Variants in TRAF6 observed in about 807,000 individuals in gnomAD.
TRAF6 encodes TNF receptor-associated factor 6.
Under a neutral mutation model 48.4 loss-of-function variants are expected in TRAF6, and 10 were observed. The observed-to-expected ratio is 0.21, with a 90% CI of 0.13 to 0.35. The LOEUF (loss-of-function observed/expected upper bound fraction) is 0.35. Among genes scored for constraint, TRAF6 ranks in the 10% least tolerant of loss-of-function variants. The pLI, the probability that TRAF6 is intolerant of heterozygous loss-of-function variation, is 1.00. For missense variants in TRAF6, 397 were observed against 661.0 expected (o/e 0.60, Z 4.38); for synonymous variants, 186 against 219.6 (o/e 0.85, Z 1.35).
chr11:36,499,419 A>T (rs1439170486), intron 2 of TRAF6, among the ~76,000 whole-genome samples: 1 of 152,126 alleles, frequency 6.6e-6, no homozygotes. Flanking sequence ...AGACAGAAAA[A>T]AAAAAGCCTC....
chr11:36,498,631 A>G lies in TRAF6; in HGVS notation c.306T>C (p.Gly102=), dbSNP rs1297712783. The change falls in exon 3 of 7, where the codon GGT becomes GGC. Residue 102 remains glycine (G), a synonymous_variant. Transcript: ENST00000526995. ...ACIIKSIRDA[G]HKCPVDNEIL... ...TTTCATTGTCAACTGGACATTTGTG[A>G]CCTGCATCCCTAACAGAAACAAAAT... is the stretch of plus-strand genomic sequence containing the variant. 3 of 1,609,590 alleles carry G rather than the reference A, an allele frequency of 1.9e-6. No homozygotes were observed. The highest frequency in any genetic ancestry group is 2.5e-6 in the Non-Finnish European group (3 of 1,178,774).
intron 6 of TRAF6, among the ~76,000 whole-genome samples, chr11:36,491,786 C>A (rs1273662247): frequency 6.6e-6 from 1 of 152,234 alleles, no homozygotes; most frequent in Non-Finnish European, 1.5e-5. Flanking sequence ...CCACAAATCA[C>A]TTTCCCAAAT....
At chr11:36,491,354 G>A (rs747489913) in intron 6 of TRAF6, among the ~76,000 whole-genome samples, 1 of 151,984 alleles carries the variant, frequency 6.6e-6, no homozygotes, top group Non-Finnish European at 1.5e-5. Context: ...AAATATAGAT[G>A]ACCAAAAAGG....
intron 1 of TRAF6, among the ~76,000 whole-genome samples, chr11:36,503,533 C>T (rs1032141327): frequency 6.6e-6 from 1 of 152,142 alleles, no homozygotes; most frequent in Non-Finnish European, 1.5e-5. Context: ...TCCACCTGCC[C>T]TGGCCTCCCA....
intron 1 of TRAF6, among the ~76,000 whole-genome samples, chr11:36,502,779 T>C (rs182051729): frequency 6.6e-6 from 1 of 152,338 alleles, no homozygotes; most frequent in Admixed American, 6.5e-5. Flanking sequence ...AACTCTTTTC[T>C]TCCATTTATG....
Position 36,490,574 on chromosome 11 carries a change from T to A in TRAF6, c.833A>T (p.His278Leu). ...AGAGTCGGGTATAACGCTCAAACTA[T>A]GAACAGCCTGGGCCAACATTCTCAT... ...SHMRMLAQAV[H>L]SLSVIPDSGY... The change falls in exon 7 of 7, where the codon CAT (histidine) becomes CTT (leucine). Residue 278 changes from histidine to leucine, a missense_variant. Physicochemically the swap from His to Leu is moderately conservative, Grantham distance 99. Coordinates refer to ENST00000526995, the MANE Select transcript of TRAF6 (RefSeq NM_004620.4). This position sits in a 1 kb window ranked among gnomAD's most constrained non-coding sequence, Gnocchi z 6.4. The A allele has an allele frequency of 6.2e-7, 1 of 1,614,200 alleles. No homozygotes were observed. The highest frequency in any genetic ancestry group is 1.1e-5 in the South Asian group (1 of 91,086).
At chr11:36,507,891 T>C (rs1269464641) in intron 1 of TRAF6, among the ~76,000 whole-genome samples, 3 of 148,806 alleles carry the variant, frequency 2.0e-5, no homozygotes, top group Non-Finnish European at 4.4e-5. Flanking sequence ...GGTCCTGCTC[T>C]ATTGCCCAGG....
At position 36,497,282 on chromosome 11, in the gene TRAF6, T is replaced by C. The variant is rs753603115; in HGVS notation, c.448-16A>G. Reference sequence around the variant, plus strand: ...CTTGATGATCCTATAATTAAAAAAATAATGGATTAGCATTAGCCAACTCTG... The same window carrying C: ...CTTGATGATCCTATAATTAAAAAAACAATGGATTAGCATTAGCCAACTCTG... On this transcript the variant is annotated splice_polypyrimidine_tract_variant and intron_variant, in intron 3 of 6. Coordinates refer to ENST00000526995, the MANE Select transcript of TRAF6 (RefSeq NM_004620.4). The C allele has an allele frequency of 2.3e-6, 3 of 1,299,940 alleles. No individual in the cohort carries two copies. In the African/African-American group the frequency reaches 4.3e-5, roughly 19 times the overall value. The allele number at this position is 1,299,940 out of a possible 1,614,324, so 80.5% of individuals were successfully genotyped here.
chr11:36,493,445 T>C (rs1590636188), intron 5 of TRAF6, among the ~76,000 whole-genome samples: 1 of 152,350 alleles, frequency 6.6e-6, no homozygotes, highest in East Asian at 1.9e-4. Context: ...CTGTACTGCC[T>C]CTGTCCTAAG....
intron 1 of TRAF6, among the ~76,000 whole-genome samples, chr11:36,504,233 T>A (rs1009305295): frequency 2.0e-5 from 3 of 152,236 alleles, no homozygotes; most frequent in African/African-American, 7.2e-5. Flanking sequence ...CTCTGTAGCA[T>A]GTGATGCTGT....
At position 36,492,533 on chromosome 11, in the gene TRAF6, A is replaced by G. The variant is rs1859577637; in HGVS notation, c.756+18T>C. ...TTTTTTACTTATATTCAAGAATTAAAAGAAAAAAAAACCTTACCTTTTCAT... is the reference window on the plus strand; with the variant it reads ...TTTTTTACTTATATTCAAGAATTAAGAGAAAAAAAAACCTTACCTTTTCAT... On this transcript the variant is annotated intron_variant, in intron 6 of 6. Coordinates refer to ENST00000526995, the MANE Select transcript of TRAF6 (RefSeq NM_004620.4). The G allele has an allele frequency of 1.9e-6, 3 of 1,581,588 alleles. No individual in the cohort carries two copies. Among genetic ancestry groups the G allele is most frequent in the Non-Finnish European group, 2.6e-6 (3 of 1,164,148 alleles).
rs749447895 is a variant in TRAF6 at position 36,488,632 on chromosome 11, T to C, written c.*1206A>G. On this transcript the variant is annotated 3_prime_UTR_variant, in exon 7 of 7. Coordinates refer to ENST00000526995, the MANE Select transcript of TRAF6 (RefSeq NM_004620.4). The stretch of plus-strand genomic sequence containing the variant: ...AAATACATGATGGCACACAAAAAAA[T>C]CATCTCCCTATTAGGAAAATCTGGT... 1 of 152,114 alleles carries C rather than the reference T, an allele frequency of 6.6e-6. No individual in the cohort carries two copies. The highest frequency in any genetic ancestry group is 1.5e-5 in the Non-Finnish European group (1 of 68,018). 9.4% of individuals were successfully genotyped at this position (152,114 alleles called of 1,614,324 possible).
rs1208724842 is a variant in TRAF6, at chr11:36,486,338, CTAATAG to C, written c.*3494_*3499del. 2.0e-5 allele frequency among the ~76,000 whole-genome samples: 3 copies of C among 152,000 alleles called. No individual in the cohort carries two copies. The highest frequency in any genetic ancestry group is 7.3e-5 in the African/African-American group (3 of 41,342). On this transcript the variant is annotated 3_prime_UTR_variant, in exon 7 of 7. Coordinates refer to ENST00000526995, the MANE Select transcript of TRAF6 (RefSeq NM_004620.4). ...ATAGGCGTGAGCCACCGTGCCCAGC[CTAATAG>C]TATTTTATATAAAATAATGAGTAGA... is the stretch of plus-strand genomic sequence containing the variant.
chr11:36,496,652 C>T (rs371256752), intron 4 of TRAF6: 20 of 163,734 alleles, frequency 1.2e-4, no homozygotes, highest in Admixed American at 6.5e-4. Flanking sequence ...ACATTATATA[C>T]GCTGCACGAT....
intron 5 of TRAF6, among the ~76,000 whole-genome samples, 160 bp downstream of exon 5, chr11:36,494,816 T>C (rs1158331621): frequency 1.3e-5 from 2 of 151,302 alleles, no homozygotes; most frequent in Admixed American, 6.6e-5. Context: ...CCTGAAAGTA[T>C]TTATTACTTA....
rs758777022 is a variant in TRAF6 at position 36,489,732 on chromosome 11, G to T, written c.*106C>A. On this transcript the variant is annotated 3_prime_UTR_variant, in exon 7 of 7. Transcript: ENST00000526995. ...ACCTCTCTAACAACACTCACTAGTA[G>T]ATATTACATATTTCCCGTGGCTTGT... is the stretch of plus-strand genomic sequence containing the variant. The T allele has an allele frequency of 3.4e-6, 4 of 1,179,236 alleles. No individual in the cohort carries two copies. The highest frequency in any genetic ancestry group is 4.9e-6 in the Non-Finnish European group (4 of 824,540). 73.0% of individuals were successfully genotyped at this position (1,179,236 alleles called of 1,614,324 possible).
At chr11:36,507,865 CT>C (rs1025594952) in intron 1 of TRAF6, among the ~76,000 whole-genome samples, 42 of 140,168 alleles carry the variant, frequency 3.0e-4, no homozygotes, top group African/African-American at 7.8e-4. Flanking sequence ...TATACACACA[CT>C]TTTTTTTTTG....
At position 36,484,480 on chromosome 11, in the gene TRAF6, C is replaced by A. The variant is rs1859453861; in HGVS notation, c.*5358G>T. 6.6e-6 allele frequency among the ~76,000 whole-genome samples: 1 copy of A among 152,218 alleles called. No homozygotes were observed. Among genetic ancestry groups the A allele is most frequent in the African/African-American group, 2.4e-5 (1 of 41,454 alleles). On this transcript the variant is annotated 3_prime_UTR_variant, in exon 7 of 7. Coordinates refer to ENST00000526995, the MANE Select transcript of TRAF6 (RefSeq NM_004620.4). The stretch of plus-strand genomic sequence containing the variant: ...TTTTCAAAAGTCAGATTTCATTCCA[C>A]AGCTTGTCATACAGTTTACAGAATT...
intron 5 of TRAF6, 33 bp from the exon 6 acceptor site, chr11:36,492,661 T>C: frequency 6.7e-7 from 1 of 1,481,820 alleles, no homozygotes; most frequent in Non-Finnish European, 9.3e-7. Context: ...AAAAATCTCT[T>C]CCTTGCATAT....
Sources: gnomAD v4.1 joint callset for allele counts (sites outside exome capture counted in the v4.1 genomes callset) on GRCh38, gnomAD v4.1.1 for gene constraint, Gnocchi (gnomAD v3.1) non-coding constraint, MANE v1.5 for transcripts, NCBI Gene and HGNC (gene_info 2026-07-23, HGNC 2026-07-21) for gene names.